Variants in LRRC7 observed in about 807,000 individuals in gnomAD.
The protein encoded by LRRC7 is leucine rich repeat containing 7.
In LRRC7, 23 loss-of-function variants were observed where a neutral mutation model predicts 175.7. That is an observed-to-expected ratio of 0.13 (90% CI 0.09 to 0.19). The LOEUF is 0.19. Among genes scored for constraint, LRRC7 ranks in the 10% least tolerant of loss-of-function variants. LRRC7 has a pLI of 1.00. For missense variants in LRRC7, 1,354 were observed against 1,904.7 expected (o/e 0.71, Z 5.38); for synonymous variants, 685 against 680.9 (o/e 1.01, Z -0.09).
intron 8 of LRRC7, among the ~76,000 whole-genome samples, chr1:69,945,452 G>A (rs539209103): frequency 6.6e-6 from 1 of 151,984 alleles, no homozygotes; most frequent in Non-Finnish European, 1.5e-5. Context: ...CTCTAGCTTT[G>A]TTCTTTTTGC....
rs79049112 is a variant in LRRC7, at chr1:69,805,587, C to G, written c.421+13427C>G. Reference sequence around the variant, plus strand: ...TTTATCTGAAATGTGATCACTAGCACTTCTTTCACTTTAAGACTACCTTCC... The same window carrying G: ...TTTATCTGAAATGTGATCACTAGCAGTTCTTTCACTTTAAGACTACCTTCC... On this transcript the variant is annotated intron_variant, in intron 4 of 26. Coordinates refer to ENST00000651989, the MANE Select transcript of LRRC7 (RefSeq NM_001370785.2). Among the ~76,000 whole-genome samples, 327 of 152,010 alleles carry G rather than the reference C, an allele frequency of 2.2e-3. 3 individuals carry two copies. The highest frequency in any genetic ancestry group is 7.3e-3 in the African/African-American group (302 of 41,522).
intron 7 of LRRC7, among the ~76,000 whole-genome samples, chr1:69,888,615 TC>T (rs1489079641): frequency 6.6e-6 from 1 of 152,150 alleles, no homozygotes; most frequent in Non-Finnish European, 1.5e-5. Context: ...CCGGAGCTGT[TC>T]CTATTCGGCC....
intron 10 of LRRC7, among the ~76,000 whole-genome samples, chr1:69,992,662 G>A (rs899667221): frequency 1.3e-5 from 2 of 152,124 alleles, no homozygotes; most frequent in Non-Finnish European, 2.9e-5. Flanking sequence ...AAATGAGTGA[G>A]GTTCCTTTAA....
At chr1:69,778,225 A>C (rs914133681) in intron 3 of LRRC7, among the ~76,000 whole-genome samples, 26 of 152,080 alleles carry the variant, frequency 1.7e-4, no homozygotes, top group Admixed American at 4.6e-4. Context: ...CATGTATACA[A>C]TTCCATAGTT....
At chr1:69,911,310 G>T (rs1412811014) in intron 7 of LRRC7, among the ~76,000 whole-genome samples, 2 of 152,200 alleles carry the variant, frequency 1.3e-5, no homozygotes, top group African/African-American at 2.4e-5. Flanking sequence ...GGGAGCTGTA[G>T]ACTGGAGCTG....
At chr1:69,719,655 T>C (rs1400106501) in intron 2 of LRRC7, among the ~76,000 whole-genome samples, 1 of 151,680 alleles carries the variant, frequency 6.6e-6, no homozygotes, top group East Asian at 1.9e-4. Context: ...TAAATCTTTG[T>C]ATTGCATTAT....
intron 4 of LRRC7, among the ~76,000 whole-genome samples, chr1:69,805,958 G>C (rs1677069246): frequency 6.6e-6 from 1 of 151,744 alleles, no homozygotes; most frequent in Non-Finnish European, 1.5e-5. Context: ...AATTTTCCTA[G>C]AGTTGCAGCA....
intron 5 of LRRC7, among the ~76,000 whole-genome samples, chr1:69,826,563 T>G (rs559918335): frequency 6.6e-6 from 1 of 152,190 alleles, no homozygotes; most frequent in East Asian, 1.9e-4. Flanking sequence ...GAAGTAGAAA[T>G]AAAATCTAGA....
chr1:70,035,270 GT>G (rs1301504605), intron 18 of LRRC7, among the ~76,000 whole-genome samples: 1 of 152,136 alleles, frequency 6.6e-6, no homozygotes, highest in Non-Finnish European at 1.5e-5. Context: ...CTAGAAGAAA[GT>G]GAGAATTTGG....
chr1:69,931,469 C>T, intron 7 of LRRC7, 38 bp from the exon 8 acceptor site: 1 of 1,538,464 alleles, frequency 6.5e-7, no homozygotes, highest in Non-Finnish European at 9.0e-7. Context: ...ATGTATCATG[C>T]ACTACCTCAC....
intron 11 of LRRC7, among the ~76,000 whole-genome samples, chr1:70,008,440 CATA>C (rs1656188258): frequency 6.6e-6 from 1 of 152,146 alleles, no homozygotes; most frequent in African/African-American, 2.4e-5. Flanking sequence ...ATGCTCTATG[CATA>C]TTACTTATTG....
intron 23 of LRRC7, among the ~76,000 whole-genome samples, chr1:70,057,561 C>G (rs1571200053): frequency 1.3e-5 from 2 of 151,386 alleles, no homozygotes; most frequent in South Asian, 2.1e-4. Context: ...TAGCCAGTGT[C>G]CAATTTGAGT....
chr1:69,682,336 A>C (rs1402707221), intron 2 of LRRC7, among the ~76,000 whole-genome samples: 1 of 152,130 alleles, frequency 6.6e-6, no homozygotes, highest in Middle Eastern at 3.2e-3. Flanking sequence ...GAAGAAAGTG[A>C]TAAGTCCAGC....
chr1:69,721,064 T>C (rs1016977656), intron 2 of LRRC7, among the ~76,000 whole-genome samples: 5 of 151,798 alleles, frequency 3.3e-5, no homozygotes, highest in Admixed American at 2.6e-4. Context: ...AACATAGACT[T>C]TATTTTTACA....
At chr1:69,618,116 A>C (rs1473811476) in intron 1 of LRRC7, among the ~76,000 whole-genome samples, 1 of 152,030 alleles carries the variant, frequency 6.6e-6, no homozygotes, top group Non-Finnish European at 1.5e-5. Flanking sequence ...GCTATGTAAG[A>C]ACACACTTAT....
intron 7 of LRRC7, among the ~76,000 whole-genome samples, chr1:69,848,116 G>A (rs1682579319): frequency 6.6e-6 from 1 of 152,028 alleles, no homozygotes; most frequent in Admixed American, 6.6e-5. Flanking sequence ...CATAGATTTT[G>A]CATTCTGAGT....
Position 69,666,212 on chromosome 1 carries a change from T to C in LRRC7, c.3-12169T>C, listed in dbSNP as rs543242687. ...ATAACTGATCTTTTTAATGTATAGT[T>C]GAATTTGGTTCGCTAGTATTTTGTT... On this transcript the variant is annotated intron_variant, in intron 1 of 26. Coordinates refer to ENST00000651989, the MANE Select transcript of LRRC7 (RefSeq NM_001370785.2). Among the ~76,000 whole-genome samples, 107 of 152,304 alleles carry C rather than the reference T, an allele frequency of 7.0e-4. 1 individual carries two copies. In the South Asian group the frequency reaches 0.022, roughly 31 times the overall value.
intron 1 of LRRC7, among the ~76,000 whole-genome samples, chr1:69,646,323 A>G (rs1655005132): frequency 6.6e-6 from 1 of 152,148 alleles, no homozygotes; most frequent in African/African-American, 2.4e-5. Flanking sequence ...TACTTAAGCC[A>G]TTGTTTACAT....
chr1:69,612,239 A>G (rs1366396284), intron 1 of LRRC7, among the ~76,000 whole-genome samples: 1 of 152,054 alleles, frequency 6.6e-6, no homozygotes, highest in East Asian at 1.9e-4. Context: ...TATTTTTCAG[A>G]CTTAAGAATT....
Sources: gnomAD v4.1 joint callset for allele counts (sites outside exome capture counted in the v4.1 genomes callset) on GRCh38, gnomAD v4.1.1 for gene constraint, MANE v1.5 for transcripts, NCBI Gene and HGNC (gene_info 2026-07-23, HGNC 2026-07-21) for gene names.